Variants in BAZ1A observed in about 807,000 individuals in gnomAD.
BAZ1A encodes the protein bromodomain adjacent to zinc finger domain 1A.
In BAZ1A, 50 loss-of-function variants were observed where a neutral mutation model predicts 185.2. The ratio of observed to expected loss-of-function variants is 0.27; its 90% CI spans 0.22 to 0.34. The LOEUF (loss-of-function observed/expected upper bound fraction) is 0.34. Ranked by LOEUF, BAZ1A falls within the 10% of genes least tolerant of loss-of-function variation. The pLI is 1.00. For synonymous variants in BAZ1A, 571 were observed against 615.6 expected (o/e 0.93, Z 1.07); for missense variants, 1,356 against 1,839.9 (o/e 0.74, Z 4.81).
In BAZ1A at chr14:34,764,915, A is replaced by G. The variant is rs1878730104; in HGVS notation, c.3568T>C (p.Trp1190Arg). Reference protein sequence around the residue: ...PKLKTVPEGDWFCPECRPKQR... With the variant: ...PKLKTVPEGDRFCPECRPKQR... ...TTTGGTCGACATTCTGGACAAAACC[A>G]GTCTCCTTCAGGCACAGTCTGAAAA... Residue 1190 changes from tryptophan (W) to arginine (R), a missense_variant, in exon 23 of 27, where the codon TGG (tryptophan) becomes CGG (arginine). Physicochemically the swap from Trp to Arg is moderately radical, Grantham distance 101. Coordinates refer to ENST00000360310, the MANE Select transcript of BAZ1A (RefSeq NM_013448.3). 1 of 1,614,164 alleles carries G rather than the reference A, an allele frequency of 6.2e-7. No individual in the cohort carries two copies.
chr14:34,854,327 C>T (rs1022843965), intron 3 of BAZ1A, among the ~76,000 whole-genome samples: 1 of 152,086 alleles, frequency 6.6e-6, no homozygotes, highest in African/African-American at 2.4e-5. Flanking sequence ...GAGGCTAAGG[C>T]ATGAAATTCG....
chr14:34,802,719 A>G (rs2138659417), intron 7 of BAZ1A, 135 bp downstream of exon 7: 2 of 877,354 alleles, frequency 2.3e-6, no homozygotes, highest in South Asian at 1.8e-5. Context: ...TATAGTACAC[A>G]CTTACATACT....
chr14:34,872,938 A>AAC (rs2042974453), intron 2 of BAZ1A, among the ~76,000 whole-genome samples: 1 of 132,936 alleles, frequency 7.5e-6, no homozygotes, highest in Non-Finnish European at 1.8e-5. Context: ...AAAAAAAAAA[A>AAC]AAACTTGTCC....
chr14:34,795,585 T>C (rs765540650), intron 10 of BAZ1A, 85 bp downstream of exon 10: 5 of 875,150 alleles, frequency 5.7e-6, no homozygotes, highest in Non-Finnish European at 8.5e-6. Flanking sequence ...AAGAGGCTGC[T>C]ATTAAATAAG....
At chr14:34,816,782 T>C in intron 4 of BAZ1A, 1 of 441,588 alleles carries the variant, frequency 2.3e-6, no homozygotes, top group Non-Finnish European at 4.5e-6. Flanking sequence ...CAGGACTGTC[T>C]ATCAATTTAG....
At chr14:34,825,834 A>G (rs2042158471) in intron 4 of BAZ1A, among the ~76,000 whole-genome samples, 179 bp downstream of exon 4, 1 of 152,094 alleles carries the variant, frequency 6.6e-6, no homozygotes, top group African/African-American at 2.4e-5. Flanking sequence ...GCTACTCAGG[A>G]GGCTGAGGCA....
At chr14:34,868,848 T>C (rs957197377) in intron 2 of BAZ1A, among the ~76,000 whole-genome samples, 4 of 150,984 alleles carry the variant, frequency 2.6e-5, no homozygotes, top group Admixed American at 1.3e-4. Context: ...CAAAGTGTAC[T>C]CTACTTAGGG....
intron 21 of BAZ1A, among the ~76,000 whole-genome samples, chr14:34,770,641 T>C (rs1452590241): frequency 1.3e-5 from 2 of 152,220 alleles, no homozygotes; most frequent in Admixed American, 6.5e-5. Context: ...GATATAAACA[T>C]TGATTTAGAA....
intron 3 of BAZ1A, among the ~76,000 whole-genome samples, chr14:34,835,164 G>A (rs1360109288): frequency 6.6e-6 from 1 of 150,926 alleles, no homozygotes; most frequent in East Asian, 2.0e-4. Context: ...TGGGTTCAAG[G>A]AATTATCCTG....
chr14:34,811,080 A>C, intron 4 of BAZ1A, 44 bp from the exon 5 acceptor site: 2 of 1,328,810 alleles, frequency 1.5e-6, no homozygotes, highest in Non-Finnish European at 2.1e-6. Context: ...AATAATTTGG[A>C]AAATGAAATT....
At chr14:34,867,125 G>A (rs994777142) in intron 2 of BAZ1A, among the ~76,000 whole-genome samples, 4 of 152,098 alleles carry the variant, frequency 2.6e-5, no homozygotes, top group African/African-American at 9.7e-5. Flanking sequence ...CAGGCGTGGT[G>A]GCACGCGCCT....
At chr14:34,875,020 C>A (rs1237455163) in intron 1 of BAZ1A, 118 bp downstream of exon 1, 1 of 164,100 alleles carries the variant, frequency 6.1e-6, no homozygotes, top group African/African-American at 2.4e-5. Context: ...GCTGGCCGGC[C>A]GGCCAGCCCA....
At chr14:34,867,149 T>C (rs562981463) in intron 2 of BAZ1A, among the ~76,000 whole-genome samples, 21 of 151,964 alleles carry the variant, frequency 1.4e-4, no homozygotes, top group South Asian at 2.1e-4. Flanking sequence ...GTCCCAGCTA[T>C]TGGGGAGGCT....
Position 34,832,524 on chromosome 14 carries a change from G to T in BAZ1A, c.393-6368C>A, listed in dbSNP as rs544932251. 2.7e-5 allele frequency among the ~76,000 whole-genome samples: 4 copies of T among 149,568 alleles called. No individual in the cohort carries two copies. In the East Asian group the frequency reaches 7.8e-4, roughly 29 times the overall value. On this transcript the variant is annotated intron_variant, in intron 3 of 26. Coordinates refer to ENST00000360310, the MANE Select transcript of BAZ1A (RefSeq NM_013448.3). ...ACTTGAATAGACATTTCTCCAAGAA[G>T]ATACAAACAGCAATAAGCACATGAA...
chr14:34,819,140 C>CA (rs71121223), intron 4 of BAZ1A, among the ~76,000 whole-genome samples: 16 of 72,788 alleles, frequency 2.2e-4, no homozygotes, highest in African/African-American at 6.8e-4. Context: ...GACTCTGTCT[C>CA]AAAAAAAAAA....
intron 26 of BAZ1A, among the ~76,000 whole-genome samples, chr14:34,754,516 T>C (rs1886158840): frequency 6.6e-6 from 1 of 152,156 alleles, no homozygotes; most frequent in African/African-American, 2.4e-5. Flanking sequence ...GTAAATACTT[T>C]AAAATTGTTT....
chr14:34,865,132 G>A (rs111829146), intron 2 of BAZ1A, among the ~76,000 whole-genome samples: 6 of 151,886 alleles, frequency 4.0e-5, no homozygotes, highest in Admixed American at 6.6e-5. Flanking sequence ...CCTGTAATTC[G>A]AGCTACTCCG....
rs1366653345 is a variant in BAZ1A, at chr14:34,761,930, T to C, written c.4070A>G (p.Lys1357Arg). ...ATTAGCACTTTTCCTGCCTCTGCGT[T>C]TTCTACGAGGACTAAGCAATTCCAC... Reference protein sequence around the residue: ...VFVELLSPRRKRRGRKSANNT... With the variant: ...VFVELLSPRRRRRGRKSANNT... The change falls in exon 24 of 27, where the codon AAA becomes AGA. Residue 1357 changes from lysine (K) to arginine (R), a missense_variant. Lys to Arg is a conservative substitution (Grantham distance 26). Transcript: ENST00000360310. 6.2e-7 allele frequency: 1 copy of C among 1,614,106 alleles called. No individual in the cohort carries two copies. The highest frequency in any genetic ancestry group is 8.5e-7 in the Non-Finnish European group (1 of 1,180,048).
In BAZ1A at chr14:34,874,008, G is replaced by A. The variant is rs2042997418; in HGVS notation, c.113+484C>T. The stretch of plus-strand genomic sequence containing the variant: ...AGACCCCACTCCCGACTGAGAAAAC[G>A]AAGCCCAGCCCAGTCGTTTCCTGCC... On this transcript the variant is annotated intron_variant, in intron 2 of 26. Transcript: ENST00000360310. The surrounding 1 kb of genome is among the most constrained non-coding windows in gnomAD (Gnocchi z 4.7). 6.6e-6 allele frequency among the ~76,000 whole-genome samples: 1 copy of A among 152,102 alleles called. No homozygotes were observed. The highest frequency in any genetic ancestry group is 1.5e-5 in the Non-Finnish European group (1 of 67,980).
Sources: gnomAD v4.1 joint callset for allele counts (sites outside exome capture counted in the v4.1 genomes callset) on GRCh38, gnomAD v4.1.1 for gene constraint, Gnocchi (gnomAD v3.1) non-coding constraint, MANE v1.5 for transcripts, NCBI Gene and HGNC (gene_info 2026-07-23, HGNC 2026-07-21) for gene names.